Variants in CNTNAP2 observed in about 807,000 individuals in gnomAD.
CNTNAP2 encodes contactin associated protein 2, also known as contactin-associated protein-like 2.
In CNTNAP2, 98 loss-of-function variants were observed where a neutral mutation model predicts 155.2. That is an observed-to-expected ratio of 0.63 (90% CI 0.54 to 0.75). CNTNAP2 has a LOEUF of 0.75. Among genes scored for constraint, CNTNAP2 ranks in the 30% least tolerant of loss-of-function variants. CNTNAP2 has a pLI of 0.00. For missense variants in CNTNAP2, 1,727 were observed against 1,688.1 expected (o/e 1.02, Z -0.40); for synonymous variants, 651 against 631.2 (o/e 1.03, Z -0.47).
In CNTNAP2 at chr7:146,346,963, C is replaced by T. The variant is rs141422210; in HGVS notation, c.97+229990C>T. 3.0e-3 allele frequency among the ~76,000 whole-genome samples: 457 copies of T among 151,096 alleles called. 2 individuals carry two copies. Among genetic ancestry groups the T allele is most frequent in the African/African-American group, 0.011 (435 of 41,228 alleles). ...TTATTTTATTTTTTTTTGGAGCCCC[C>T]TTCTGGGCAAGAAAGAAAGGGATCG... On this transcript the variant is annotated intron_variant, in intron 1 of 23. Coordinates refer to ENST00000361727, the MANE Select transcript of CNTNAP2 (RefSeq NM_014141.6).
intron 1 of CNTNAP2, among the ~76,000 whole-genome samples, chr7:146,284,877 C>G (rs1210387379): frequency 6.6e-6 from 1 of 152,158 alleles, no homozygotes; most frequent in East Asian, 1.9e-4. Context: ...GATTTCCCTT[C>G]CATTTCTCTG....
chr7:146,389,201 T>A (rs1795504437), intron 1 of CNTNAP2, among the ~76,000 whole-genome samples: 1 of 149,264 alleles, frequency 6.7e-6, no homozygotes, highest in Non-Finnish European at 1.5e-5. Flanking sequence ...ATTTTTATTA[T>A]GGAGCAAATT....
intron 13 of CNTNAP2, among the ~76,000 whole-genome samples, chr7:147,642,691 A>C (rs1795299710): frequency 6.6e-6 from 1 of 152,258 alleles, no homozygotes; most frequent in Non-Finnish European, 1.5e-5. Flanking sequence ...TGAAATCAAG[A>C]GTAAACTTTT....
intron 12 of CNTNAP2, among the ~76,000 whole-genome samples, chr7:147,637,508 C>T (rs1374186369): frequency 1.3e-5 from 2 of 152,278 alleles, no homozygotes; most frequent in Non-Finnish European, 1.5e-5. Flanking sequence ...CTCTTTTAAT[C>T]TACAGCACGC....
intron 3 of CNTNAP2, among the ~76,000 whole-genome samples, chr7:146,889,873 TCTCA>T (rs1337532481): frequency 6.6e-6 from 1 of 152,166 alleles, no homozygotes; most frequent in African/African-American, 2.4e-5. Context: ...AGGACTTTTT[TCTCA>T]CTCCGATTCT....
chr7:147,687,384 A>G (rs531712467), intron 13 of CNTNAP2, among the ~76,000 whole-genome samples: 1 of 152,258 alleles, frequency 6.6e-6, no homozygotes, highest in South Asian at 2.1e-4. Flanking sequence ...GAATATTGTG[A>G]TGAAGGCTTT....
chr7:146,268,840 T>C (rs539174444), intron 1 of CNTNAP2, among the ~76,000 whole-genome samples: 1 of 152,300 alleles, frequency 6.6e-6, no homozygotes, highest in South Asian at 2.1e-4. Context: ...GGTCAAAAGA[T>C]TCACAAGAAG....
intron 2 of CNTNAP2, among the ~76,000 whole-genome samples, chr7:146,775,722 G>A (rs1415899153): frequency 6.6e-6 from 1 of 151,768 alleles, no homozygotes; most frequent in Non-Finnish European, 1.5e-5. Context: ...GAAAAGAAAG[G>A]CATATCAGAT....
At chr7:146,771,850 AC>A (rs749806865) in intron 1 of CNTNAP2, among the ~76,000 whole-genome samples, 38 of 152,292 alleles carry the variant, frequency 2.5e-4, no homozygotes, top group Admixed American at 6.5e-4. Context: ...TGAGAGAGAA[AC>A]ATTTTTGAAT....
chr7:148,019,547 C>G (rs1003879986), intron 15 of CNTNAP2, among the ~76,000 whole-genome samples: 2 of 152,130 alleles, frequency 1.3e-5, no homozygotes, highest in Non-Finnish European at 2.9e-5. Flanking sequence ...GCAACCACCC[C>G]CCAGGTCCAA....
intron 17 of CNTNAP2, among the ~76,000 whole-genome samples, chr7:148,166,753 G>T (rs932216965): frequency 6.6e-6 from 1 of 152,162 alleles, no homozygotes; most frequent in Non-Finnish European, 1.5e-5. Context: ...ATGGCAGGGG[G>T]CTCTCTACAA....
At chr7:147,353,166 T>C (rs1039976112) in intron 9 of CNTNAP2, among the ~76,000 whole-genome samples, 3 of 151,896 alleles carry the variant, frequency 2.0e-5, no homozygotes, top group Admixed American at 6.6e-5. Context: ...TGTATATGTA[T>C]ACTTTAAGTT....
intron 15 of CNTNAP2, among the ~76,000 whole-genome samples, chr7:148,022,518 C>G (rs938067818): frequency 2.0e-5 from 3 of 151,136 alleles, no homozygotes; most frequent in Non-Finnish European, 4.4e-5. Flanking sequence ...TAAGAATATC[C>G]AGTGTGGCTT....
chr7:148,349,005 T>TC (rs375368297), intron 21 of CNTNAP2, among the ~76,000 whole-genome samples: 149,189 of 152,172 alleles, frequency 0.98, 73,201 homozygotes, highest in East Asian at 1. Context: ...TTTTTAATCT[T>TC]AATTCATCCA....
chr7:147,987,173 T>TTTACAG (rs1358685477), intron 15 of CNTNAP2, among the ~76,000 whole-genome samples: 1 of 152,168 alleles, frequency 6.6e-6, no homozygotes, highest in African/African-American at 2.4e-5. Flanking sequence ...CAGGTCCAAT[T>TTTACAG]ACAAATGCTG....
intron 2 of CNTNAP2, among the ~76,000 whole-genome samples, chr7:146,797,263 A>T (rs935652364): frequency 2.6e-5 from 4 of 152,168 alleles, no homozygotes; most frequent in African/African-American, 9.7e-5. Context: ...ATGGAAAAGC[A>T]CTCTGAACAG....
intron 3 of CNTNAP2, among the ~76,000 whole-genome samples, chr7:146,975,827 C>T (rs1797899469): frequency 6.6e-6 from 1 of 152,114 alleles, no homozygotes; most frequent in Non-Finnish European, 1.5e-5. Context: ...AACTTGAAGT[C>T]CCAAAATAGT....
chr7:147,109,107 T>C (rs566390911), intron 5 of CNTNAP2, among the ~76,000 whole-genome samples: 108 of 152,340 alleles, frequency 7.1e-4, no homozygotes, highest in African/African-American at 2.3e-3. Flanking sequence ...CTTTATCATC[T>C]TATTTTTTAT....
intron 14 of CNTNAP2, 74 bp from the exon 15 acceptor site, chr7:147,977,788 G>T (rs10253762): frequency 3.1e-6 from 5 of 1,591,886 alleles, no homozygotes; most frequent in Non-Finnish European, 4.3e-6. Context: ...ATTAGACAAC[G>T]TAAGCAACTA....
Sources: allele counts gnomAD v4.1 joint callset (sites outside exome capture counted in the v4.1 genomes callset), GRCh38; gene constraint gnomAD v4.1.1; transcripts MANE v1.5; gene names NCBI Gene and HGNC (gene_info 2026-07-23, HGNC 2026-07-21).